The following HEMK2 variants were observed in gnomAD, a reference collection of about 807,000 sequenced individuals.
HEMK2 encodes HemK methyltransferase 2, ETF1 glutamine and histone H4 lysine.
chr21:28,760,257 A>G, the HEMK2 span, among the ~76,000 whole-genome samples: 2 of 152,200 alleles, frequency 1.3e-5, no homozygotes, highest in Non-Finnish European at 2.9e-5. Context: ...TTTGCAGCAT[A>G]TTTCTAGAGT....
At chr21:28,882,522 A>G in the HEMK2 span, among the ~76,000 whole-genome samples, 1 of 152,200 alleles carries the variant, frequency 6.6e-6, no homozygotes, top group Non-Finnish European at 1.5e-5. Flanking sequence ...CCAATGAAGG[A>G]GTACTATGCA....
chr21:28,866,668 G>C, the HEMK2 span, among the ~76,000 whole-genome samples: 1 of 152,040 alleles, frequency 6.6e-6, no homozygotes, highest in Non-Finnish European at 1.5e-5. Context: ...CGGAGGCAGA[G>C]GTTGCAGTGA....
At chr21:28,799,350 T>C in the HEMK2 span, among the ~76,000 whole-genome samples, 1 of 152,100 alleles carries the variant, frequency 6.6e-6, no homozygotes, top group Non-Finnish European at 1.5e-5. Context: ...TTCCCTATCA[T>C]GAGAACAGCA....
At chr21:28,672,968 A>G in the HEMK2 span, among the ~76,000 whole-genome samples, 1 of 150,774 alleles carries the variant, frequency 6.6e-6, no homozygotes, top group African/African-American at 2.5e-5. Flanking sequence ...AGAGAAAGAA[A>G]AAAAATAAAA....
chr21:28,645,828 A>C, the HEMK2 span, among the ~76,000 whole-genome samples: 1 of 152,200 alleles, frequency 6.6e-6, no homozygotes, highest in Non-Finnish European at 1.5e-5. Flanking sequence ...CTCACTAGAC[A>C]CCAAATCTGC....
At chr21:28,666,220 G>T in the HEMK2 span, among the ~76,000 whole-genome samples, 1 of 152,164 alleles carries the variant, frequency 6.6e-6, no homozygotes, top group Non-Finnish European at 1.5e-5. Context: ...AAGGAAGGAA[G>T]ATTTCTTCTT....
At chr21:28,774,171 C>T in the HEMK2 span, among the ~76,000 whole-genome samples, 7 of 152,248 alleles carry the variant, frequency 4.6e-5, 1 homozygote, top group South Asian at 1.2e-3. Context: ...AAGATACACT[C>T]CAAATCTGGA....
chr21:28,816,886 G>A, the HEMK2 span, among the ~76,000 whole-genome samples: 3,935 of 152,248 alleles, frequency 0.026, 178 homozygotes, highest in African/African-American at 0.09. Context: ...AGAGAAAATA[G>A]AAGACATGAG....
chr21:28,621,506 C>T, the HEMK2 span, among the ~76,000 whole-genome samples: 1 of 152,160 alleles, frequency 6.6e-6, no homozygotes, highest in Non-Finnish European at 1.5e-5. Flanking sequence ...ACCAAACAGG[C>T]TTTGTGTGAG....
the HEMK2 span, among the ~76,000 whole-genome samples, chr21:28,625,033 C>G: frequency 1.3e-5 from 2 of 152,166 alleles, no homozygotes; most frequent in African/African-American, 4.8e-5. Context: ...ACTATTAGAA[C>G]AGGCCTCGGC....
chr21:28,763,371 T>C, the HEMK2 span, among the ~76,000 whole-genome samples: 2 of 152,138 alleles, frequency 1.3e-5, no homozygotes, highest in African/African-American at 2.4e-5. Context: ...GCATGTCATA[T>C]GGTGAGAGAG....
the HEMK2 span, among the ~76,000 whole-genome samples, chr21:28,592,936 C>T: frequency 1.3e-5 from 2 of 152,122 alleles, no homozygotes; most frequent in African/African-American, 4.8e-5. Flanking sequence ...TATGGTGATG[C>T]CAAACAACCA....
the HEMK2 span, among the ~76,000 whole-genome samples, chr21:28,839,529 G>A: frequency 6.6e-6 from 1 of 152,084 alleles, no homozygotes; most frequent in Non-Finnish European, 1.5e-5. Context: ...AAAGTTTCCA[G>A]ATACAAGATT....
the HEMK2 span, among the ~76,000 whole-genome samples, chr21:28,661,294 T>C: frequency 6.6e-6 from 1 of 152,074 alleles, no homozygotes; most frequent in Non-Finnish European, 1.5e-5. Flanking sequence ...ACACATAAAT[T>C]TCTAATTGCA....
chr21:28,750,216 G>A, the HEMK2 span, among the ~76,000 whole-genome samples: 1 of 152,196 alleles, frequency 6.6e-6, no homozygotes, highest in African/African-American at 2.4e-5. Context: ...CCTATAGAAT[G>A]AGATTTGAGG....
chr21:28,614,900 T>G, the HEMK2 span, among the ~76,000 whole-genome samples: 467 of 152,320 alleles, frequency 3.1e-3, 3 homozygotes, highest in African/African-American at 0.011. Context: ...TTCAATCTTG[T>G]AAGCATTGCT....
the HEMK2 span, chr21:28,879,945 G>A: frequency 1.3e-6 from 2 of 1,599,096 alleles, no homozygotes; most frequent in Non-Finnish European, 1.7e-6. Context: ...TTGGTAGCAA[G>A]CCTTTGACCT....
At chr21:28,851,004 G>C in the HEMK2 span, among the ~76,000 whole-genome samples, 7 of 124,240 alleles carry the variant, frequency 5.6e-5, no homozygotes, top group African/African-American at 2.4e-4. Context: ...ATCTGATAAC[G>C]GAATGATGCT....
At chr21:28,702,955 T>C in the HEMK2 span, among the ~76,000 whole-genome samples, 3 of 152,162 alleles carry the variant, frequency 2.0e-5, no homozygotes, top group Non-Finnish European at 4.4e-5. Flanking sequence ...GTGTGACATA[T>C]ACACAATGGA....
Sources: allele counts gnomAD v4.1 joint callset (sites outside exome capture counted in the v4.1 genomes callset), GRCh38; gene constraint gnomAD v4.1.1; transcripts MANE v1.5; gene names NCBI Gene and HGNC (gene_info 2026-07-23, HGNC 2026-07-21).